Variants in TXLNB observed in about 807,000 individuals in gnomAD.
The protein encoded by TXLNB is beta-taxilin.
TXLNB carries 37 observed loss-of-function variants against 57.4 expected under a neutral mutation model. The ratio of observed to expected loss-of-function variants is 0.64; its 90% CI spans 0.50 to 0.85. The LOEUF is 0.85. Among genes scored for constraint, TXLNB ranks in the 40% least tolerant of loss-of-function variants. The pLI is 0.00. For synonymous variants in TXLNB, 302 were observed against 309.6 expected, an observed-to-expected ratio of 0.98 and a Z score of 0.26; for missense variants, 848 against 825.6, an observed-to-expected ratio of 1.03 and a Z score of -0.33.
At chr6:139,282,690 C>T (rs777728878) in intron 2 of TXLNB, among the ~76,000 whole-genome samples, 2 of 145,998 alleles carry the variant, frequency 1.4e-5, no homozygotes, top group Non-Finnish European at 3.1e-5. Context: ...ACTAGAAAGA[C>T]AAAATTCATT....
In TXLNB at chr6:139,242,988, C is replaced by T. The variant is rs757159064; in HGVS notation, c.1593G>A (p.Gln531=). ...KETQPEIGSS[Q]ESADAALKEP... ...CCTTGAGAGCGGCGTCAGCACTCTC[C>T]TGAGAACTGCCTATTTCGGGTTGGG... Residue 531 remains glutamine (Q), a synonymous_variant, in exon 10 of 10, where the codon CAG becomes CAA. Coordinates refer to ENST00000358430, the MANE Select transcript of TXLNB (RefSeq NM_153235.4). 4 of 1,614,044 alleles carry T rather than the reference C, an allele frequency of 2.5e-6. No individual in the cohort carries two copies. Among genetic ancestry groups the T allele is most frequent in the Non-Finnish European group, 3.4e-6 (4 of 1,180,044 alleles).
the TXLNB span, chr6:139,167,110 G>A: frequency 1.2e-6 from 2 of 1,614,186 alleles, no homozygotes; most frequent in Non-Finnish European, 1.7e-6. Flanking sequence ...CTTTCCACGT[G>A]CGCATGGAAG....
the TXLNB span, among the ~76,000 whole-genome samples, chr6:139,311,193 A>T: frequency 6.6e-6 from 1 of 152,168 alleles, no homozygotes; most frequent in South Asian, 2.1e-4. Flanking sequence ...TGTCACTGCA[A>T]ATGCTGGTTG....
At chr6:139,162,769 G>A in the TXLNB span, among the ~76,000 whole-genome samples, 1 of 152,204 alleles carries the variant, frequency 6.6e-6, no homozygotes, top group African/African-American at 2.4e-5. Context: ...TGTTGTGTCT[G>A]TGGTTCAGTG....
intron 2 of TXLNB, among the ~76,000 whole-genome samples, chr6:139,280,799 T>C (rs1777028847): frequency 6.6e-6 from 1 of 152,218 alleles, no homozygotes; most frequent in Admixed American, 6.5e-5. Context: ...ACTGTGAATG[T>C]CCCTCTTTCA....
At chr6:139,289,120 AAAG>A (rs1156797932) in intron 1 of TXLNB, among the ~76,000 whole-genome samples, 9 of 152,338 alleles carry the variant, frequency 5.9e-5, no homozygotes, top group East Asian at 1.9e-4. Flanking sequence ...TTCTGCCTCC[AAAG>A]AAGAAGTAAA....
chr6:139,314,128 T>A, the TXLNB span, among the ~76,000 whole-genome samples: 1 of 152,038 alleles, frequency 6.6e-6, no homozygotes, highest in Non-Finnish European at 1.5e-5. Context: ...TATTTTGAAA[T>A]AGCCCTGCAA....
chr6:139,300,721 C>T, the TXLNB span, among the ~76,000 whole-genome samples: 1 of 152,166 alleles, frequency 6.6e-6, no homozygotes, highest in African/African-American at 2.4e-5. Context: ...CATGGTGAAA[C>T]TGCGTCTCTA....
the TXLNB span, among the ~76,000 whole-genome samples, chr6:139,231,632 T>C: frequency 6.6e-6 from 1 of 152,184 alleles, no homozygotes; most frequent in African/African-American, 2.4e-5. Context: ...GCAGGTCTCA[T>C]AGAATAAAAC....
intron 2 of TXLNB, among the ~76,000 whole-genome samples, chr6:139,282,525 T>C (rs1443949592): frequency 6.9e-6 from 1 of 145,208 alleles, no homozygotes; most frequent in African/African-American, 2.5e-5. Context: ...TGCAGTGAGC[T>C]GAGATCGCAC....
chr6:139,230,548 A>G, the TXLNB span, among the ~76,000 whole-genome samples: 1 of 152,238 alleles, frequency 6.6e-6, no homozygotes, highest in African/African-American at 2.4e-5. Flanking sequence ...GCCAGAATCA[A>G]TTTAGCCTGT....
the TXLNB span, among the ~76,000 whole-genome samples, chr6:139,226,969 A>G: frequency 6.6e-6 from 1 of 152,110 alleles, no homozygotes; most frequent in Admixed American, 6.5e-5. Context: ...GGAAGTTGCC[A>G]TGAGCTGAGA....
intron 5 of TXLNB, among the ~76,000 whole-genome samples, chr6:139,261,595 A>C (rs1163832260): frequency 3.9e-5 from 6 of 152,138 alleles, no homozygotes; most frequent in Admixed American, 2.0e-4. Flanking sequence ...TAATTTGGGT[A>C]TAACAAAAGA....
the TXLNB span, among the ~76,000 whole-genome samples, chr6:139,184,820 C>T: frequency 5.3e-5 from 8 of 152,122 alleles, no homozygotes; most frequent in Non-Finnish European, 1.2e-4. Flanking sequence ...TTGAGGGTTG[C>T]TTGACTTGAT....
the TXLNB span, among the ~76,000 whole-genome samples, chr6:139,210,414 T>C: frequency 6.6e-6 from 1 of 152,154 alleles, no homozygotes; most frequent in African/African-American, 2.4e-5. Context: ...TGCACACACA[T>C]GTTTACAGCA....
At chr6:139,216,621 A>G in the TXLNB span, among the ~76,000 whole-genome samples, 2 of 152,272 alleles carry the variant, frequency 1.3e-5, no homozygotes, top group Non-Finnish European at 2.9e-5. Flanking sequence ...AACTTAAAGT[A>G]TAATAATAAT....
chr6:139,311,860 G>A, the TXLNB span, among the ~76,000 whole-genome samples: 2 of 152,084 alleles, frequency 1.3e-5, no homozygotes, highest in African/African-American at 4.8e-5. Flanking sequence ...CCGAGAGCAG[G>A]GGGGCTAGGA....
chr6:139,164,827 C>CT, the TXLNB span, among the ~76,000 whole-genome samples: 1 of 150,746 alleles, frequency 6.6e-6, no homozygotes, highest in Admixed American at 6.6e-5. Flanking sequence ...GGCAGCCACT[C>CT]TTTTGGGCCT....
chr6:139,277,756 A>C (rs1776937395), intron 2 of TXLNB, among the ~76,000 whole-genome samples: 1 of 152,126 alleles, frequency 6.6e-6, no homozygotes, highest in Non-Finnish European at 1.5e-5. Flanking sequence ...ATAATCATGA[A>C]AGGGTGGGGC....
Sources: allele counts gnomAD v4.1 joint callset (sites outside exome capture counted in the v4.1 genomes callset), GRCh38; gene constraint gnomAD v4.1.1; transcripts MANE v1.5; gene names NCBI Gene and HGNC (gene_info 2026-07-23, HGNC 2026-07-21).